The following AR variants were observed in gnomAD, a reference collection of about 807,000 sequenced individuals.
AR encodes the protein androgen receptor.
A neutral mutation model predicts 53.9 loss-of-function variants in AR; 8 were observed. The observed-to-expected ratio is 0.15, with a 90% CI of 0.09 to 0.27. The LOEUF is 0.27. Ranked by LOEUF, AR falls within the 10% of genes least tolerant of loss-of-function variation. AR has a pLI of 1.00. For synonymous variants in AR, 359 were observed against 316.4 expected, an observed-to-expected ratio of 1.13 and a Z score of -1.43; for missense variants, 639 against 742.5, an observed-to-expected ratio of 0.86 and a Z score of 1.62.
intron 1 of AR, among the ~76,000 whole-genome samples, chrX:67,584,157 A>G (rs1922419890): frequency 8.9e-6 from 1 of 111,930 alleles, no homozygotes; most frequent in Non-Finnish European, 1.9e-5. Context: ...TATATTGTCT[A>G]TATCCACTGT....
At chrX:67,565,997 A>C (rs1473411590) in intron 1 of AR, among the ~76,000 whole-genome samples, 1 of 111,849 alleles carries the variant, frequency 8.9e-6, no homozygotes, top group East Asian at 2.8e-4. Flanking sequence ...CCAGCCCCAG[A>C]CCATTAATTT....
intron 1 of AR, among the ~76,000 whole-genome samples, chrX:67,551,095 T>G (rs1233797925): frequency 9.6e-6 from 1 of 104,407 alleles, no homozygotes; most frequent in Non-Finnish European, 1.9e-5. Flanking sequence ...CTTGGCAATT[T>G]CATAAAGTAT....
At chrX:67,565,258 TAGC>T (rs1921506108) in intron 1 of AR, among the ~76,000 whole-genome samples, 1 of 112,170 alleles carries the variant, frequency 8.9e-6, no homozygotes, top group Non-Finnish European at 1.9e-5. Context: ...TTATCAGTGG[TAGC>T]AACACTGACT....
At chrX:67,709,507 G>A (rs182431542) in intron 3 of AR, among the ~76,000 whole-genome samples, 1,161 of 112,154 alleles carry the variant, frequency 0.01, 18 homozygotes, top group African/African-American at 0.036. Context: ...TATTAGGGTG[G>A]GAGTGACCCA....
At chrX:67,622,694 A>T (rs2147398752) in intron 1 of AR, among the ~76,000 whole-genome samples, 1 of 111,916 alleles carries the variant, frequency 8.9e-6, no homozygotes, top group South Asian at 3.7e-4. Context: ...CTTTAAGTAG[A>T]TTTCAAAGTA....
intron 5 of AR, among the ~76,000 whole-genome samples, chrX:67,721,475 T>G (rs1430755671): frequency 9.0e-6 from 1 of 111,584 alleles, no homozygotes; most frequent in Non-Finnish European, 1.9e-5. Context: ...ATGTTAGAAC[T>G]GTAGTCAGGG....
At chrX:67,616,352 C>G (rs144749429) in intron 1 of AR, among the ~76,000 whole-genome samples, 1 of 110,256 alleles carries the variant, frequency 9.1e-6, no homozygotes, top group African/African-American at 3.3e-5. Flanking sequence ...CCCCTGTCCC[C>G]TAACCCCCTC....
rs2147319518 is a variant in AR at position 67,546,137 on chromosome X, G to A, written c.991G>A (p.Ala331Thr). ...CGAGAGCCTAGGCTGCTCTGGCAGC[G>A]CTGCAGCAGGGAGCTCCGGGACACT... ...EGESLGCSGS[A>T]AAGSSGTLEL... The change falls in exon 1 of 8, where the codon GCT becomes ACT. Residue 331 changes from alanine to threonine, a missense_variant. Around this residue, in one of 5 missense-constraint regions of AR, gnomAD observed 423 missense variants for 377.0 expected, o/e 1.12. Transcript: ENST00000374690. 2 of 1,212,165 alleles carry A rather than the reference G, an allele frequency of 1.6e-6. No homozygotes were observed. Among genetic ancestry groups the A allele is most frequent in the East Asian group, 3.0e-5 (1 of 33,828 alleles).
At chrX:67,629,957 A>C (rs1485797020) in intron 1 of AR, among the ~76,000 whole-genome samples, 1 of 111,102 alleles carries the variant, frequency 9.0e-6, no homozygotes, top group African/African-American at 3.3e-5. Flanking sequence ...TTTGAGTGAG[A>C]TTCTTAATAC....
chrX:67,695,883 G>A (rs897748638), intron 3 of AR: 100 of 750,624 alleles, frequency 1.3e-4, no homozygotes, highest in Non-Finnish European at 1.5e-4. Context: ...ACATTCTGGA[G>A]AAAAGCCAAG....
chrX:67,582,454 A>G (rs1478849921), intron 1 of AR, among the ~76,000 whole-genome samples: 1 of 111,661 alleles, frequency 9.0e-6, no homozygotes, highest in Non-Finnish European at 1.9e-5. Context: ...TGGGAAGAGG[A>G]TGTTTGATGT....
chrX:67,568,820 T>C (rs1602161099), intron 1 of AR: 3 of 1,108,260 alleles, frequency 2.7e-6, no homozygotes, highest in Non-Finnish European at 1.2e-6. Flanking sequence ...ATTTGCCAAG[T>C]TGCTCTCTTC....
intron 1 of AR, among the ~76,000 whole-genome samples, chrX:67,617,220 T>C (rs1212678434): frequency 9.0e-6 from 1 of 111,631 alleles, no homozygotes; most frequent in Non-Finnish European, 1.9e-5. Flanking sequence ...TTAAATAAGA[T>C]GCTGCTGTCA....
chrX:67,707,942 C>A (rs1006793203), intron 3 of AR, among the ~76,000 whole-genome samples: 3 of 111,935 alleles, frequency 2.7e-5, no homozygotes, highest in South Asian at 3.7e-4. Flanking sequence ...GTTGAAAATT[C>A]TTTTCTTTAA....
intron 2 of AR, 144 bp downstream of exon 2, chrX:67,643,551 GA>G: frequency 1.1e-6 from 1 of 874,784 alleles, no homozygotes; most frequent in Non-Finnish European, 1.6e-6. Context: ...GGAGCCTAAG[GA>G]AGCAAATTTT....
intron 1 of AR, among the ~76,000 whole-genome samples, chrX:67,553,561 G>C (rs1930075505): frequency 9.0e-6 from 1 of 111,667 alleles, no homozygotes; most frequent in Non-Finnish European, 1.9e-5. Context: ...CAAATGAATT[G>C]GGATAAGCTT....
At chrX:67,701,674 TCA>T (rs3070104) in intron 3 of AR, among the ~76,000 whole-genome samples, 2,509 of 96,979 alleles carry the variant, frequency 0.026, 37 homozygotes, top group African/African-American at 0.054. Context: ...TACTAACCAT[TCA>T]CACACACACA....
chrX:67,688,297 G>A (rs755857952), intron 3 of AR, among the ~76,000 whole-genome samples: 96 of 111,499 alleles, frequency 8.6e-4, no homozygotes, highest in South Asian at 8.0e-3. Flanking sequence ...TAGTTTAAAG[G>A]CTCAGCTCCT....
rs1450832106 is a variant in AR at position 67,559,507 on chromosome X, A to G, written c.1616+12745A>G. On this transcript the variant is annotated intron_variant, in intron 1 of 7. Transcript: ENST00000374690. ...GCTACCTCCGTCCCTCTAGGCCCCA[A>G]TGTGTTGTGCAGGATCCCATAGGAA... Among the ~76,000 whole-genome samples the G allele has an allele frequency of 5.4e-5, 6 of 112,039 alleles. No individual in the cohort carries two copies. In the East Asian group the frequency reaches 8.4e-4, roughly 16 times the overall value.
Sources: allele counts gnomAD v4.1 joint callset (sites outside exome capture counted in the v4.1 genomes callset), GRCh38; gene constraint gnomAD v4.1.1; regional missense constraint gnomAD v4.1.1; transcripts MANE v1.5; gene names NCBI Gene and HGNC (gene_info 2026-07-23, HGNC 2026-07-21).